Variants in CSRNP2 observed in about 807,000 individuals in gnomAD.
CSRNP2 encodes cysteine/serine-rich nuclear protein 2.
A neutral mutation model predicts 36.6 loss-of-function variants in CSRNP2; 11 were observed. That is an observed-to-expected ratio of 0.30 (90% CI 0.19 to 0.50). The LOEUF is 0.50. Ranked by LOEUF, CSRNP2 falls within the 20% of genes least tolerant of loss-of-function variation. CSRNP2 has a pLI of 0.98. For missense variants in CSRNP2, 483 were observed against 691.4 expected, an observed-to-expected ratio of 0.70 and a Z score of 3.38; for synonymous variants, 248 against 275.3, an observed-to-expected ratio of 0.90 and a Z score of 0.98.
intron 1 of CSRNP2, among the ~76,000 whole-genome samples, chr12:51,078,306 A>G (rs1462721305): frequency 6.6e-6 from 1 of 152,192 alleles, no homozygotes; most frequent in East Asian, 1.9e-4. Flanking sequence ...ATTGCATCAA[A>G]TTCTGCATTC....
rs148149139 is a variant in CSRNP2, at chr12:51,067,836, C to T, written c.545G>A (p.Arg182Gln). The T allele has an allele frequency of 1.5e-5, 24 of 1,614,100 alleles. No homozygotes were observed. The highest frequency in any genetic ancestry group is 8.0e-5 in the African/African-American group (6 of 74,930). Residue 182 changes from arginine (R) to glutamine (Q), a missense_variant, in exon 4 of 5, where the codon CGG becomes CAG. Arg to Gln is a conservative substitution (Grantham distance 43). Around this residue, in one of 2 missense-constraint regions of CSRNP2, gnomAD observed 206 missense variants for 367.8 expected, o/e 0.56. Transcript: ENST00000228515. The surrounding 1 kb of genome is among the most constrained non-coding windows in gnomAD (Gnocchi z 4.1). ...YFFLQPLPTKRRRALLRASGV... is the reference protein window; with the variant it reads ...YFFLQPLPTKQRRALLRASGV... Reference sequence around the variant, plus strand: ...AGAAGCCCTCAGCAGGGCCCGTCGCCGTTTGGTGGGCAGAGGCTGCAGGAA... The same window carrying T: ...AGAAGCCCTCAGCAGGGCCCGTCGCTGTTTGGTGGGCAGAGGCTGCAGGAA...
At chr12:51,079,415 C>T (rs573808367) in intron 1 of CSRNP2, among the ~76,000 whole-genome samples, 2 of 150,924 alleles carry the variant, frequency 1.3e-5, no homozygotes, top group South Asian at 2.1e-4. Flanking sequence ...TCTATTGTAG[C>T]GGGGAGGGGG....
At chr12:51,077,873 C>T (rs978941058) in intron 1 of CSRNP2, among the ~76,000 whole-genome samples, 12 of 152,226 alleles carry the variant, frequency 7.9e-5, no homozygotes, top group Admixed American at 2.0e-4. Flanking sequence ...GTTTTCAACA[C>T]ACTTTCATAC....
rs1194123268 is a variant in CSRNP2 at position 51,061,890 on chromosome 12, A to C, written c.*1856T>G. ...AAAGCCAAATTCCCAATTAAGCTTC[A>C]GTCCTGTGTTTGAGGGTACCAGTCT... On this transcript the variant is annotated 3_prime_UTR_variant, in exon 5 of 5. Coordinates refer to ENST00000228515, the MANE Select transcript of CSRNP2 (RefSeq NM_030809.3). 1 of 152,156 alleles carries C rather than the reference A, an allele frequency of 6.6e-6. No individual in the cohort carries two copies. Among genetic ancestry groups the C allele is most frequent in the African/African-American group, 2.4e-5 (1 of 41,422 alleles). 9.4% of individuals were successfully genotyped at this position (152,156 alleles called of 1,614,324 possible).
intron 3 of CSRNP2, among the ~76,000 whole-genome samples, chr12:51,072,774 T>A (rs1050120269): frequency 6.6e-6 from 1 of 152,136 alleles, no homozygotes; most frequent in South Asian, 2.1e-4. Flanking sequence ...AACAGCAGGA[T>A]CCTTTCAGAG....
chr12:51,067,545 T>C lies in CSRNP2; in HGVS notation c.708+128A>G, dbSNP rs2136866521. ...TTACTCTGTTGACGGAGGAGGGTTG[T>C]GGAACTGGAGAGTGTTCACAACCAT... is the stretch of plus-strand genomic sequence containing the variant. On this transcript the variant is annotated intron_variant, in intron 4 of 4. Transcript: ENST00000228515. The surrounding 1 kb of genome is among the most constrained non-coding windows in gnomAD (Gnocchi z 4.1). 1 of 848,730 alleles carries C rather than the reference T, an allele frequency of 1.2e-6. No individual in the cohort carries two copies. The highest frequency in any genetic ancestry group is 1.8e-6 in the Non-Finnish European group (1 of 543,450). 52.6% of individuals were successfully genotyped at this position (848,730 alleles called of 1,614,324 possible).
chr12:51,078,113 G>A lies in CSRNP2; in HGVS notation c.-86-1466C>T, dbSNP rs143052471. On this transcript the variant is annotated intron_variant, in intron 1 of 4. Coordinates refer to ENST00000228515, the MANE Select transcript of CSRNP2 (RefSeq NM_030809.3). ...CAGGAATAACAACACTGCCCAGAAC[G>A]ACAGGGCTGCATTACTGCAGAGCAG... Among the ~76,000 whole-genome samples the A allele has an allele frequency of 1.3e-4, 20 of 152,322 alleles. 1 individual carries two copies. In the East Asian group the frequency reaches 3.5e-3, roughly 26 times the overall value.
chr12:51,064,280 A>G lies in CSRNP2; in HGVS notation c.1098T>C (p.Ala366=). Residue 366 remains alanine, a synonymous_variant, in exon 5 of 5, where the codon GCT becomes GCC. Transcript: ENST00000228515. Reference sequence around the variant, plus strand: ...GGCCTGGGCACAGCTCTTCGGGGACAGCCAGAGGCTCCTCTAGGATGCACA... The same window carrying G: ...GGCCTGGGCACAGCTCTTCGGGGACGGCCAGAGGCTCCTCTAGGATGCACA... The part of the protein sequence containing the change: ...LGVCILEEPL[A]VPEELCPGLT... The G allele has an allele frequency of 6.2e-7, 1 of 1,612,856 alleles. No homozygotes were observed. Among genetic ancestry groups the G allele is most frequent in the East Asian group, 2.2e-5 (1 of 44,868 alleles).
At position 51,061,671 on chromosome 12, in the gene CSRNP2, CAT is replaced by C. The variant is rs1244161953; in HGVS notation, c.*2073_*2074del. On this transcript the variant is annotated 3_prime_UTR_variant, in exon 5 of 5. Transcript: ENST00000228515. ...TTAAGAAACTACAGGTTTTCAGAAA[CAT>C]ATCTTGTGGGTTGGCAATGAGCTTA... 2.0e-5 allele frequency: 3 copies of C among 152,318 alleles called. No homozygotes were observed. Among genetic ancestry groups the C allele is most frequent in the African/African-American group, 7.2e-5 (3 of 41,452 alleles). The allele number at this position is 152,318 out of a possible 1,614,324, so 9.4% of individuals were successfully genotyped here.
Position 51,064,312 on chromosome 12 carries a change from GGCTCTC to G in CSRNP2, c.1060_1065del (p.Glu354_Ser355del). Reference sequence around the variant, plus strand: ...GGCTCCTCTAGGATGCACACACCCAGGCTCTCGATGCTCGAGTCCAGGCTGGCACTA... The same window carrying G: ...GGCTCCTCTAGGATGCACACACCCAGGATGCTCGAGTCCAGGCTGGCACTA... On this transcript the variant is annotated inframe_deletion, in exon 5 of 5. Transcript: ENST00000228515. 1 of 1,614,096 alleles carries G rather than the reference GGCTCTC, an allele frequency of 6.2e-7. No homozygotes were observed.
intron 1 of CSRNP2, among the ~76,000 whole-genome samples, chr12:51,080,216 GACTGGAAGTA>G (rs879564313): frequency 1.6e-4 from 24 of 151,532 alleles, no homozygotes; most frequent in Non-Finnish European, 2.8e-4. Context: ...AAGGATTTAT[GACTGGAAGTA>G]ACTGTCCACT....
At chr12:51,070,732 C>T (rs946452337) in intron 3 of CSRNP2, among the ~76,000 whole-genome samples, 3 of 151,924 alleles carry the variant, frequency 2.0e-5, no homozygotes, top group Admixed American at 2.0e-4. Flanking sequence ...ACTAAAGTTG[C>T]GGAACACCAA....
intron 3 of CSRNP2, among the ~76,000 whole-genome samples, chr12:51,068,681 CAGAG>C: frequency 6.6e-6 from 1 of 152,162 alleles, no homozygotes; most frequent in Non-Finnish European, 1.5e-5. Context: ...CCTTCTAACA[CAGAG>C]AGGAAAAGGT....
At position 51,073,959 on chromosome 12, in the gene CSRNP2, G is replaced by T; in HGVS notation, c.275C>A (p.Ser92Tyr). 6.2e-7 allele frequency: 1 copy of T among 1,614,160 alleles called. No individual in the cohort carries two copies. The highest frequency in any genetic ancestry group is 8.5e-7 in the Non-Finnish European group (1 of 1,180,026). ...GTTATGGCGCTGGGCCATGCCCAGAGAGCTACCACCCTGGCTGGGCACACT... is the reference window on the plus strand; with the variant it reads ...GTTATGGCGCTGGGCCATGCCCAGATAGCTACCACCCTGGCTGGGCACACT... The part of the protein sequence containing the change: ...FTSVPSQGGS[S>Y]LGMAQRHNSV... Residue 92 changes from serine to tyrosine, a missense_variant, in exon 3 of 5, where the codon TCT becomes TAT. Transcript: ENST00000228515.
chr12:51,072,562 CAAAAAAAAAAAAAAA>C (rs71089741), intron 3 of CSRNP2, among the ~76,000 whole-genome samples: 17 of 66,932 alleles, frequency 2.5e-4, no homozygotes, highest in African/African-American at 8.0e-4. Context: ...GGCTCCGTCT[CAAAAAAAAAAAAAAA>C]AAAAAAAAAA....
At chr12:51,074,180 C>T in intron 2 of CSRNP2, 98 bp from the exon 3 acceptor site, 1 of 1,363,534 alleles carries the variant, frequency 7.3e-7, no homozygotes, top group South Asian at 1.5e-5. Flanking sequence ...TGCTGTGGCA[C>T]TGTCTCGGCT....
Position 51,063,703 on chromosome 12 carries a change from G to A in CSRNP2, c.*43C>T, listed in dbSNP as rs761401053. 9 of 1,414,344 alleles carry A rather than the reference G, an allele frequency of 6.4e-6. No homozygotes were observed. The highest frequency in any genetic ancestry group is 7.6e-6 in the Non-Finnish European group (8 of 1,057,984). The allele number at this position is 1,414,344 out of a possible 1,614,324, so 87.6% of individuals were successfully genotyped here. A position where few individuals can be genotyped will look rare whatever the true frequency, so the allele number is the denominator to read the frequency against. The stretch of plus-strand genomic sequence containing the variant: ...TGAAATGGTGTTAGATAAAATAAGG[G>A]AATAAATAGAGAATGGGTAAGAGGC... On this transcript the variant is annotated 3_prime_UTR_variant, in exon 5 of 5. Coordinates refer to ENST00000228515, the MANE Select transcript of CSRNP2 (RefSeq NM_030809.3).
In CSRNP2 at chr12:51,062,393, T is replaced by C. The variant is rs1270448401; in HGVS notation, c.*1353A>G. Reference sequence around the variant, plus strand: ...CTCCATTTTAGAACAGAGACAAAGATCACTTTGCTAATGAAAGGAAATCAG... The same window carrying C: ...CTCCATTTTAGAACAGAGACAAAGACCACTTTGCTAATGAAAGGAAATCAG... On this transcript the variant is annotated 3_prime_UTR_variant, in exon 5 of 5. Transcript: ENST00000228515. 3 of 152,210 alleles carry C rather than the reference T, an allele frequency of 2.0e-5. No individual in the cohort carries two copies. Among genetic ancestry groups the C allele is most frequent in the African/African-American group, 4.8e-5 (2 of 41,468 alleles). 9.4% of individuals were successfully genotyped at this position (152,210 alleles called of 1,614,324 possible). A position where few individuals can be genotyped will look rare whatever the true frequency, so the allele number is the denominator to read the frequency against.
chr12:51,063,149 C>T lies in CSRNP2; in HGVS notation c.*597G>A, dbSNP rs937502386. On this transcript the variant is annotated 3_prime_UTR_variant, in exon 5 of 5. Transcript: ENST00000228515. Reference sequence around the variant, plus strand: ...CCAGTGTGGGGAACAGGTCAGAGAACACCAAACATGTCAAATATTAACTTA... The same window carrying T: ...CCAGTGTGGGGAACAGGTCAGAGAATACCAAACATGTCAAATATTAACTTA... 6.6e-6 allele frequency: 1 copy of T among 152,176 alleles called. No homozygotes were observed. Among genetic ancestry groups the T allele is most frequent in the Non-Finnish European group, 1.5e-5 (1 of 68,016 alleles). 9.4% of individuals were successfully genotyped at this position (152,176 alleles called of 1,614,324 possible).
Sources: gnomAD v4.1 joint callset for allele counts (sites outside exome capture counted in the v4.1 genomes callset) on GRCh38, gnomAD v4.1.1 for gene constraint, gnomAD v4.1.1 regional missense constraint, Gnocchi (gnomAD v3.1) non-coding constraint, MANE v1.5 for transcripts, NCBI Gene and HGNC (gene_info 2026-07-23, HGNC 2026-07-21) for gene names.